Variants in PLXNA4 observed in about 807,000 individuals in gnomAD.
PLXNA4 encodes plexin-A4.
PLXNA4 carries 44 observed loss-of-function variants against 191.8 expected under a neutral mutation model. That is an observed-to-expected ratio of 0.23 (90% CI 0.18 to 0.29). The LOEUF is 0.29. Ranked by LOEUF, PLXNA4 falls within the 10% of genes least tolerant of loss-of-function variation. The probability of loss-of-function intolerance (pLI) is 1.00; values close to 1 mark genes in which losing one functional copy is unlikely to be tolerated. For missense variants in PLXNA4, 1,800 were observed against 2,488.8 expected (o/e 0.72, Z 5.89); for synonymous variants, 1,082 against 1,009.5 (o/e 1.07, Z -1.36).
At chr7:132,278,094 G>A (rs1800344380) in intron 4 of PLXNA4, among the ~76,000 whole-genome samples, 1 of 152,190 alleles carries the variant, frequency 6.6e-6, no homozygotes, top group African/African-American at 2.4e-5. Flanking sequence ...GTATGCAAAT[G>A]CAGAACATGT....
At chr7:132,253,984 G>A (rs762356039) in intron 4 of PLXNA4, among the ~76,000 whole-genome samples, 4 of 152,314 alleles carry the variant, frequency 2.6e-5, no homozygotes, top group Non-Finnish European at 5.9e-5. Flanking sequence ...GACCTGGGCT[G>A]TAATCCTAGA....
intron 25 of PLXNA4, 105 bp downstream of exon 25, chr7:132,159,368 A>G: frequency 6.6e-7 from 1 of 1,522,498 alleles, no homozygotes; most frequent in Non-Finnish European, 8.9e-7. Context: ...GCCAGTGATT[A>G]TTCCCCTCAG....
At chr7:132,310,152 G>T (rs1801673259) in intron 3 of PLXNA4, among the ~76,000 whole-genome samples, 1 of 152,214 alleles carries the variant, frequency 6.6e-6, no homozygotes, top group African/African-American at 2.4e-5. Flanking sequence ...TTTCAGACTT[G>T]CTTAGCATCC....
At chr7:132,646,680 C>T (rs1375228411) in intron 1 of PLXNA4, among the ~76,000 whole-genome samples, 1 of 152,124 alleles carries the variant, frequency 6.6e-6, no homozygotes, top group African/African-American at 2.4e-5. Context: ...AAATCAATGC[C>T]TGTTGTTTAG....
chr7:132,607,968 C>G (rs1802964208), intron 2 of PLXNA4, among the ~76,000 whole-genome samples: 1 of 152,070 alleles, frequency 6.6e-6, no homozygotes, highest in African/African-American at 2.4e-5. Flanking sequence ...CCATCACCAC[C>G]ATCACTGCCA....
intron 2 of PLXNA4, among the ~76,000 whole-genome samples, chr7:132,641,426 T>C (rs989218409): frequency 2.8e-4 from 43 of 152,192 alleles, no homozygotes; most frequent in African/African-American, 1.0e-3. Context: ...GTGTCTCTTG[T>C]TGCAAGGACA....
chr7:132,163,645 C>G lies in PLXNA4; in HGVS notation c.4500+497G>C, dbSNP rs574952558. ...ATCCCCACGTTCCTTCAACAACTGC[C>G]TTGCACCACTAGGCCACCTTGGCCT... On this transcript the variant is annotated intron_variant, in intron 24 of 31. Transcript: ENST00000321063. Among the ~76,000 whole-genome samples, 9 of 152,302 alleles carry G rather than the reference C, an allele frequency of 5.9e-5. No individual in the cohort carries two copies. In the East Asian group the frequency reaches 1.7e-3, roughly 29 times the overall value.
intron 3 of PLXNA4, among the ~76,000 whole-genome samples, chr7:132,349,385 C>T (rs1212949713): frequency 1.3e-5 from 2 of 152,000 alleles, no homozygotes; most frequent in Admixed American, 6.6e-5. Flanking sequence ...CTGGTGGGGT[C>T]GGAGGAGTGG....
chr7:132,290,765 T>C (rs1800855661), intron 4 of PLXNA4, among the ~76,000 whole-genome samples: 1 of 151,936 alleles, frequency 6.6e-6, no homozygotes, highest in East Asian at 1.9e-4. Flanking sequence ...AGTTAAATCA[T>C]GACAAAATGA....
chr7:132,384,060 C>T (rs1404910410), intron 3 of PLXNA4: 3 of 985,360 alleles, frequency 3.0e-6, no homozygotes, highest in East Asian at 2.3e-4. Context: ...GTTGCCTGCT[C>T]TCACTAAATC....
At chr7:132,307,447 G>T (rs1371368306) in intron 3 of PLXNA4, among the ~76,000 whole-genome samples, 2 of 152,210 alleles carry the variant, frequency 1.3e-5, no homozygotes, top group Non-Finnish European at 2.9e-5. Flanking sequence ...GTGCCACAGA[G>T]TAGGTGCTCA....
intron 13 of PLXNA4, among the ~76,000 whole-genome samples, chr7:132,194,569 C>A (rs1797194982): frequency 6.6e-6 from 1 of 152,212 alleles, no homozygotes; most frequent in Non-Finnish European, 1.5e-5. Context: ...GCAAGTCAAA[C>A]CAGAACTTGG....
chr7:132,642,595 G>C (rs1371412570), intron 2 of PLXNA4, among the ~76,000 whole-genome samples: 2 of 152,030 alleles, frequency 1.3e-5, no homozygotes, highest in Non-Finnish European at 2.9e-5. Flanking sequence ...AGGGGGGAAC[G>C]ACAGGGCACA....
At chr7:132,186,966 T>A (rs1796899460) in intron 15 of PLXNA4, among the ~76,000 whole-genome samples, 1 of 152,178 alleles carries the variant, frequency 6.6e-6, no homozygotes. Context: ...CTCCTATGGA[T>A]AACATCACTA....
intron 1 of PLXNA4, among the ~76,000 whole-genome samples, chr7:132,538,497 G>A (rs1799941657): frequency 6.6e-6 from 1 of 152,152 alleles, no homozygotes; most frequent in Admixed American, 6.5e-5. Context: ...TAAAGTTGGG[G>A]GCTATACCTA....
chr7:132,246,802 A>ATCATCC (rs1201484463), intron 4 of PLXNA4, among the ~76,000 whole-genome samples: 2 of 149,838 alleles, frequency 1.3e-5, no homozygotes, highest in Non-Finnish European at 3.0e-5. Context: ...CATCATCATC[A>ATCATCC]TCATCCTCAT....
At chr7:132,369,759 G>A (rs913107827) in intron 3 of PLXNA4, among the ~76,000 whole-genome samples, 3 of 151,942 alleles carry the variant, frequency 2.0e-5, no homozygotes, top group Non-Finnish European at 2.9e-5. Context: ...ACGGCCCCCC[G>A]AGAAGTAGGT....
At chr7:132,247,108 T>A (rs906224848) in intron 4 of PLXNA4, among the ~76,000 whole-genome samples, 4 of 152,186 alleles carry the variant, frequency 2.6e-5, no homozygotes, top group African/African-American at 9.7e-5. Context: ...TTTCGAAAGA[T>A]GCTTTCCTCT....
At chr7:132,485,598 G>C (rs1451484812) in intron 3 of PLXNA4, among the ~76,000 whole-genome samples, 1 of 152,192 alleles carries the variant, frequency 6.6e-6, no homozygotes, top group South Asian at 2.1e-4. Flanking sequence ...ATTTAGGTTT[G>C]CTTGGCCCTA....
Sources: allele counts gnomAD v4.1 joint callset (sites outside exome capture counted in the v4.1 genomes callset), GRCh38; gene constraint gnomAD v4.1.1; transcripts MANE v1.5; gene names NCBI Gene and HGNC (gene_info 2026-07-23, HGNC 2026-07-21).